Variants in DLG2 observed in about 807,000 individuals in gnomAD.
DLG2 encodes the protein discs large MAGUK scaffold protein 2.
DLG2 carries 45 observed loss-of-function variants against 132.5 expected under a neutral mutation model. The observed-to-expected ratio is 0.34, with a 90% confidence interval of 0.27 to 0.44. The LOEUF is 0.44. DLG2 is among the 20% of genes least tolerant of loss of function. DLG2 has a pLI of 1.00. For synonymous variants in DLG2, 424 were observed against 419.6 expected (o/e 1.01, Z -0.13); for missense variants, 1,045 against 1,196.9 (o/e 0.87, Z 1.87).
chr11:84,537,943 C>T (rs2099359420), intron 6 of DLG2, among the ~76,000 whole-genome samples: 1 of 152,212 alleles, frequency 6.6e-6, no homozygotes, highest in Non-Finnish European at 1.5e-5. Flanking sequence ...AGGACAATCA[C>T]ATCATTTGCT....
intron 7 of DLG2, among the ~76,000 whole-genome samples, chr11:84,344,730 T>G (rs1361567246): frequency 6.6e-6 from 1 of 152,218 alleles, no homozygotes; most frequent in Non-Finnish European, 1.5e-5. Flanking sequence ...TAACGTTCCC[T>G]GTCTGAAGAA....
chr11:84,478,945 GT>G (rs966263704), intron 7 of DLG2, among the ~76,000 whole-genome samples: 43 of 152,138 alleles, frequency 2.8e-4, no homozygotes, highest in African/African-American at 9.6e-4. Context: ...TAAATGAAGA[GT>G]TTTAATAGGC....
Position 83,459,681 on chromosome 11 carries a change from G to A in DLG2, c.*137C>T, listed in dbSNP as rs139779440. The A allele has an allele frequency of 5.3e-3, 3,189 of 598,600 alleles. 14 individuals carry two copies. The highest frequency in any genetic ancestry group is 7.3e-3 in the Non-Finnish European group (2,440 of 333,242). The allele number at this position is 598,600 out of a possible 1,614,324, so 37.1% of individuals were successfully genotyped here. A position where few individuals can be genotyped will look rare whatever the true frequency, so the allele number is the denominator to read the frequency against. Reference sequence around the variant, plus strand: ...TCCTTCATGGCTTCATACAGTTTGTGTTGTACATTCGTAAGAATTCACATT... The same window carrying A: ...TCCTTCATGGCTTCATACAGTTTGTATTGTACATTCGTAAGAATTCACATT... On this transcript the variant is annotated 3_prime_UTR_variant, in exon 28 of 28. Transcript: ENST00000376104.
chr11:84,227,059 T>C (rs997877993), intron 8 of DLG2, among the ~76,000 whole-genome samples: 6 of 151,812 alleles, frequency 4.0e-5, no homozygotes, highest in Admixed American at 3.9e-4. Flanking sequence ...ACACTCCAGC[T>C]TGGCAACAGA....
At chr11:85,031,947 CTTTTTT>C (rs11389028) in intron 6 of DLG2, among the ~76,000 whole-genome samples, 44 of 51,852 alleles carry the variant, frequency 8.5e-4, no homozygotes, top group African/African-American at 2.8e-3. Flanking sequence ...TGACAACTGG[CTTTTTT>C]TTTTTTTTTT....
intron 9 of DLG2, among the ~76,000 whole-genome samples, chr11:84,138,687 G>A (rs933579347): frequency 4.6e-5 from 7 of 152,146 alleles, no homozygotes; most frequent in East Asian, 1.9e-4. Context: ...GGTGGTTCAC[G>A]CCCATAATCC....
At chr11:85,627,184 C>T (rs2082080332) in intron 1 of DLG2, 34 bp downstream of exon 1, 1 of 152,190 alleles carries the variant, frequency 6.6e-6, no homozygotes, top group African/African-American at 2.4e-5. Flanking sequence ...GAAAGGCCCC[C>T]TTATATTTAC....
chr11:84,360,083 C>A (rs1292549180), intron 7 of DLG2, among the ~76,000 whole-genome samples: 2 of 151,784 alleles, frequency 1.3e-5, no homozygotes, highest in Non-Finnish European at 2.9e-5. Flanking sequence ...GGGATGCAAT[C>A]AATCGTGCAG....
At chr11:84,952,572 G>A (rs2051105943) in intron 6 of DLG2, among the ~76,000 whole-genome samples, 1 of 151,420 alleles carries the variant, frequency 6.6e-6, no homozygotes, top group Non-Finnish European at 1.5e-5. Flanking sequence ...CAACAAGAGT[G>A]AGGTGCTGCA....
intron 3 of DLG2, among the ~76,000 whole-genome samples, chr11:85,467,836 G>T (rs2092845094): frequency 6.6e-6 from 1 of 152,170 alleles, no homozygotes; most frequent in Admixed American, 6.5e-5. Flanking sequence ...AAATGAGTTA[G>T]GGAGGATTCC....
chr11:84,279,798 G>T (rs1225581122), intron 7 of DLG2, among the ~76,000 whole-genome samples: 2 of 152,134 alleles, frequency 1.3e-5, no homozygotes, highest in Non-Finnish European at 2.9e-5. Context: ...TCACACACTG[G>T]GGCCTGTTGT....
intron 6 of DLG2, among the ~76,000 whole-genome samples, chr11:84,809,102 G>A (rs1005679552): frequency 1.3e-5 from 2 of 151,908 alleles, no homozygotes; most frequent in Admixed American, 1.3e-4. Flanking sequence ...ATCAAGTGGA[G>A]GTCATCCAAG....
At chr11:84,858,170 G>GAA (rs2083050943) in intron 6 of DLG2, among the ~76,000 whole-genome samples, 5 of 152,044 alleles carry the variant, frequency 3.3e-5, no homozygotes, top group African/African-American at 1.2e-4. Flanking sequence ...TGGGATTACA[G>GAA]GCGTGAGCCA....
At chr11:83,784,415 A>G (rs1184180171) in intron 18 of DLG2, among the ~76,000 whole-genome samples, 1 of 152,214 alleles carries the variant, frequency 6.6e-6, no homozygotes. Context: ...TGATGTTGCC[A>G]TTACCACATT....
At chr11:84,580,029 G>C (rs1188157929) in intron 6 of DLG2, among the ~76,000 whole-genome samples, 1 of 152,202 alleles carries the variant, frequency 6.6e-6, no homozygotes, top group African/African-American at 2.4e-5. Context: ...CAAGTTTTGT[G>C]CATGTGAAGT....
intron 7 of DLG2, among the ~76,000 whole-genome samples, chr11:84,255,619 G>A (rs982831134): frequency 6.6e-6 from 1 of 152,042 alleles, no homozygotes; most frequent in Non-Finnish European, 1.5e-5. Context: ...CACCACGTCC[G>A]GCCATACACT....
intron 3 of DLG2, among the ~76,000 whole-genome samples, chr11:85,587,920 T>C (rs894875613): frequency 6.6e-6 from 1 of 152,208 alleles, no homozygotes; most frequent in Non-Finnish European, 1.5e-5. Context: ...CATTTGTTTG[T>C]CTGAAAGATG....
chr11:84,210,245 T>C (rs2096733857), intron 8 of DLG2, among the ~76,000 whole-genome samples: 2 of 151,878 alleles, frequency 1.3e-5, no homozygotes, highest in South Asian at 2.1e-4. Flanking sequence ...ATAGAGCCAC[T>C]GCACTCTAGC....
chr11:84,476,146 T>C (rs564833409), intron 7 of DLG2, among the ~76,000 whole-genome samples: 2 of 152,270 alleles, frequency 1.3e-5, no homozygotes, highest in South Asian at 4.1e-4. Context: ...TACCCTGTTG[T>C]TCAGAGAAGT....
Sources: gnomAD v4.1 joint callset for allele counts (sites outside exome capture counted in the v4.1 genomes callset) on GRCh38, gnomAD v4.1.1 for gene constraint, MANE v1.5 for transcripts, NCBI Gene and HGNC (gene_info 2026-07-23, HGNC 2026-07-21) for gene names.